The following ESPL1 variants were observed in gnomAD, a reference collection of about 807,000 sequenced individuals.
The protein encoded by ESPL1 is extra spindle pole bodies like 1, separase.
A neutral mutation model predicts 217.2 loss-of-function variants in ESPL1; 50 were observed. That is an observed-to-expected ratio of 0.23 (90% CI 0.18 to 0.29). The LOEUF (loss-of-function observed/expected upper bound fraction) is 0.29, where lower values mean the gene tolerates loss of function less well. Ranked by LOEUF, ESPL1 falls within the 10% of genes least tolerant of loss-of-function variation. The pLI is 1.00. For synonymous variants in ESPL1, 994 were observed against 1,081.3 expected, an observed-to-expected ratio of 0.92 and a Z score of 1.58; for missense variants, 1,834 against 2,603.0, an observed-to-expected ratio of 0.70 and a Z score of 6.43.
chr12:53,291,837 C>T lies in ESPL1; in HGVS notation c.5668C>T (p.His1890Tyr), dbSNP rs1944065643. 1 of 1,590,154 alleles carries T rather than the reference C, an allele frequency of 6.3e-7. No individual in the cohort carries two copies. The highest frequency in any genetic ancestry group is 8.6e-7 in the Non-Finnish European group (1 of 1,167,364). Residue 1890 changes from histidine to tyrosine, a missense_variant, in exon 26 of 31, where the codon CAC (histidine) becomes TAC (tyrosine). Coordinates refer to ENST00000257934, the MANE Select transcript of ESPL1 (RefSeq NM_012291.5). ...LQGLTVPSNS[H>Y]LVLVLDKDLQ... ...GGGCCTGACAGTACCAAGCAATAGCCACCTTGTCTTGGTCCTAGACAAGGT... is the reference window on the plus strand; with the variant it reads ...GGGCCTGACAGTACCAAGCAATAGCTACCTTGTCTTGGTCCTAGACAAGGT...
chr12:53,293,268 C>T lies in ESPL1; in HGVS notation c.6162-5C>T. 1 of 1,611,976 alleles carries T rather than the reference C, an allele frequency of 6.2e-7. No homozygotes were observed. Among genetic ancestry groups the T allele is most frequent in the Non-Finnish European group, 8.5e-7 (1 of 1,178,362 alleles). On this transcript the variant is annotated splice_polypyrimidine_tract_variant and splice_region_variant and intron_variant, in intron 30 of 30. Coordinates refer to ENST00000257934, the MANE Select transcript of ESPL1 (RefSeq NM_012291.5). The surrounding 1 kb of genome is among the most constrained non-coding windows in gnomAD (Gnocchi z 4.2). ...ACTTTGTATTTCCTCCTTTTCTTTT[C>T]CCAGCCCCTTGTTTCTGGGTAATCT...
In ESPL1 at chr12:53,277,822, T is replaced by C. The variant is rs1943797665; in HGVS notation, c.2226T>C (p.Ala742=). ...NIAFNLAADA[A]QSKCLDQALA... ...AGTCATTTTCTTCTGGCTTAACAGC[T>C]CAGTCCAAATGCCTGGACCAAGCCC... Residue 742 remains alanine (A), a splice_region_variant and synonymous_variant, in exon 11 of 31, where the codon GCT becomes GCC. Transcript: ENST00000257934. The C allele has an allele frequency of 6.2e-7, 1 of 1,613,774 alleles. No homozygotes were observed. The highest frequency in any genetic ancestry group is 2.2e-5 in the East Asian group (1 of 44,882).
intron 7 of ESPL1, among the ~76,000 whole-genome samples, chr12:53,276,213 A>C (rs991117339): frequency 5.9e-5 from 9 of 152,210 alleles, no homozygotes; most frequent in Non-Finnish European, 1.3e-4. Flanking sequence ...CTAAAAAAAA[A>C]CAAACAAAAA....
In ESPL1 at chr12:53,270,751, T is replaced by G; in HGVS notation, c.1322T>G (p.Leu441Ter). The change falls in exon 5 of 31, where the codon TTA (leucine) becomes TGA (stop). Residue 441 changes from leucine to a stop codon, truncating the protein, a stop_gained. Transcript: ENST00000257934. LOFTEE classifies it high-confidence loss of function. ...KSTVVWMLEALEGLSGQELTD... is the reference protein window; with the variant it reads ...KSTVVWMLEA The stretch of plus-strand genomic sequence containing the variant: ...ACCGTTGTCTGGATGCTGGAGGCCT[T>G]AGAGGGCCTGTCGGGCCAAGAGCTG... 1 of 1,614,124 alleles carries G rather than the reference T, an allele frequency of 6.2e-7. No homozygotes were observed.
chr12:53,275,320 G>T (rs1442445482), intron 7 of ESPL1, among the ~76,000 whole-genome samples: 1 of 152,092 alleles, frequency 6.6e-6, no homozygotes, highest in Middle Eastern at 3.2e-3. Flanking sequence ...AATTAGCTGG[G>T]CGTGGTGGCG....
chr12:53,273,643 C>T (rs1333085227), intron 6 of ESPL1, among the ~76,000 whole-genome samples: 1 of 150,768 alleles, frequency 6.6e-6, no homozygotes, highest in Non-Finnish European at 1.5e-5. Context: ...CCTGTAATCC[C>T]AGCTACTTTG....
At position 53,286,097 on chromosome 12, in the gene ESPL1, C is replaced by T. The variant is rs1421935398; in HGVS notation, c.3361C>T (p.Pro1121Ser). ...TVAKEPGPIA[P>S]STNSSPVLKT... ...GGCCAAGGAGCCTGGCCCCATAGCA[C>T]CTTCTACAAACTCCTCCCCAGTCTT... is the stretch of plus-strand genomic sequence containing the variant. The change falls in exon 18 of 31, where the codon CCT becomes TCT. Residue 1121 changes from proline (P) to serine (S), a missense_variant. By Grantham distance (74) the Pro-to-Ser change is moderately conservative. Transcript: ENST00000257934. The surrounding 1 kb of genome is among the most constrained non-coding windows in gnomAD (Gnocchi z 5.3). The T allele has an allele frequency of 6.2e-7, 1 of 1,613,194 alleles. No homozygotes were observed. The highest frequency in any genetic ancestry group is 8.5e-7 in the Non-Finnish European group (1 of 1,179,226).
chr12:53,293,463 T>G lies in ESPL1; in HGVS notation c.6352T>G (p.Ser2118Ala). The G allele has an allele frequency of 1.2e-6, 2 of 1,613,774 alleles. No homozygotes were observed. Among genetic ancestry groups the G allele is most frequent in the Non-Finnish European group, 1.7e-6 (2 of 1,179,694 alleles). Reference sequence around the variant, plus strand: ...ACCTATAGCCTATGGCTTGCCTGTCTCTCTGCGGTAACCCCATGGAGCTGT... The same window carrying G: ...ACCTATAGCCTATGGCTTGCCTGTCGCTCTGCGGTAACCCCATGGAGCTGT... ...AAPIAYGLPV[S>A]LR is the part of the protein sequence containing the mutation. The change falls in exon 31 of 31, where the codon TCT becomes GCT. Residue 2118 changes from serine (S) to alanine (A), a missense_variant. Ser to Ala is a moderately conservative substitution (Grantham distance 99, BLOSUM62 1). This residue lies in a region of ESPL1 where 295 missense variants were observed against 519.8 expected (regional missense o/e 0.57). Transcript: ENST00000257934. This position sits in a 1 kb window ranked among gnomAD's most constrained non-coding sequence, Gnocchi z 4.2.
At chr12:53,283,091 G>C in intron 14 of ESPL1, 38 bp from the exon 15 acceptor site, 10 of 1,613,106 alleles carry the variant, frequency 6.2e-6, no homozygotes, top group Non-Finnish European at 8.5e-6. Flanking sequence ...GTGAAGTTCT[G>C]GCTGCATCTT....
Position 53,270,411 on chromosome 12 carries a change from T to G in ESPL1, c.1177T>G (p.Phe393Val). ...YGGSSKQQQS[F>V]LQMYFQGLHL... ...GGGCTCCTCCAAGCAACAGCAGTCT[T>G]TTCTTCAGATGTACTTTCAGGGACT... Residue 393 changes from phenylalanine to valine, a missense_variant, in exon 4 of 31, where the codon TTT (phenylalanine) becomes GTT (valine). By Grantham distance (50) the Phe-to-Val change is conservative. Around this residue, in one of 5 missense-constraint regions of ESPL1, gnomAD observed 746 missense variants for 1,077.0 expected, o/e 0.69. Coordinates refer to ENST00000257934, the MANE Select transcript of ESPL1 (RefSeq NM_012291.5). 3 of 1,613,942 alleles carry G rather than the reference T, an allele frequency of 1.9e-6. No homozygotes were observed. The highest frequency in any genetic ancestry group is 2.5e-6 in the Non-Finnish European group (3 of 1,179,894).
chr12:53,268,933 G>T (rs781145616), intron 2 of ESPL1, 86 bp downstream of exon 2: 97 of 1,484,082 alleles, frequency 6.5e-5, no homozygotes, highest in Middle Eastern at 1.7e-4. Context: ...GGATAAGTAG[G>T]CGACCCTCTC....
In ESPL1 at chr12:53,279,879, C is replaced by T; in HGVS notation, c.2499+13C>T. 1 of 1,566,170 alleles carries T rather than the reference C, an allele frequency of 6.4e-7. No homozygotes were observed. Among genetic ancestry groups the T allele is most frequent in the Non-Finnish European group, 8.7e-7 (1 of 1,154,738 alleles). ...CAGCTATGCCCAGGTGAGTGCCCAA[C>T]CAGCCTAGTCTGGGGACTGCAGGGG... On this transcript the variant is annotated intron_variant, in intron 12 of 30. Coordinates refer to ENST00000257934, the MANE Select transcript of ESPL1 (RefSeq NM_012291.5).
rs141171220 is a variant in ESPL1, at chr12:53,269,058, G to A, written c.116G>A (p.Ser39Asn). 310 of 1,613,166 alleles carry A rather than the reference G, an allele frequency of 1.9e-4. 1 individual carries two copies. In the African/African-American group the frequency reaches 3.7e-3, roughly 19 times the overall value. ...FLSNPPAGFP[S>N]SRSDAERRQA... is the part of the protein sequence containing the mutation. Reference sequence around the variant, plus strand: ...TCCAACCCTCCAGCTGGTTTTCCCAGCAGCCGATCTGATGCTGAGAGGAGA... The same window carrying A: ...TCCAACCCTCCAGCTGGTTTTCCCAACAGCCGATCTGATGCTGAGAGGAGA... Residue 39 changes from serine (S) to asparagine (N), a missense_variant, in exon 3 of 31, where the codon AGC becomes AAC. Physicochemically the swap from Ser to Asn is conservative, Grantham distance 46 (BLOSUM62 1). This residue lies in a region of ESPL1 where 746 missense variants were observed against 1,077.0 expected (regional missense o/e 0.69). Coordinates refer to ENST00000257934, the MANE Select transcript of ESPL1 (RefSeq NM_012291.5). The surrounding 1 kb of genome is among the most constrained non-coding windows in gnomAD (Gnocchi z 6.7).
Position 53,282,211 on chromosome 12 carries a change from C to A in ESPL1, c.2620-53C>A. ...CACGTAATCTCCAGGGCCTCTCAAG[C>A]TCTGGAGTGCCTGACTGCCTTACTG... is the stretch of plus-strand genomic sequence containing the variant. On this transcript the variant is annotated intron_variant, in intron 13 of 30. Coordinates refer to ENST00000257934, the MANE Select transcript of ESPL1 (RefSeq NM_012291.5). The surrounding 1 kb of genome is among the most constrained non-coding windows in gnomAD (Gnocchi z 4.0). 1 of 1,533,510 alleles carries A rather than the reference C, an allele frequency of 6.5e-7. No homozygotes were observed. The highest frequency in any genetic ancestry group is 9.0e-7 in the Non-Finnish European group (1 of 1,108,978). 95.0% of individuals were successfully genotyped at this position (1,533,510 alleles called of 1,614,324 possible). A position where few individuals can be genotyped will look rare whatever the true frequency, so the allele number is the denominator to read the frequency against.
rs200205359 is a variant in ESPL1 at position 53,277,263 on chromosome 12, G to T, written c.2085+36G>T. Reference sequence around the variant, plus strand: ...CTGCTGTGGGGCTCACCAGAACTGGGTGTAGGAATTACTGTCCCTGGGCCC... The same window carrying T: ...CTGCTGTGGGGCTCACCAGAACTGGTTGTAGGAATTACTGTCCCTGGGCCC... On this transcript the variant is annotated intron_variant, in intron 9 of 30. Transcript: ENST00000257934. 1.3e-5 allele frequency: 21 copies of T among 1,588,782 alleles called. No homozygotes were observed. The South Asian group carries it at 1.9e-4, about 14-fold the overall frequency.
chr12:53,283,236 G>A lies in ESPL1; in HGVS notation c.2899G>A (p.Glu967Lys), dbSNP rs766566736. 6.2e-7 allele frequency: 1 copy of A among 1,614,220 alleles called. No homozygotes were observed. Among genetic ancestry groups the A allele is most frequent in the Non-Finnish European group, 8.5e-7 (1 of 1,180,054 alleles). The change falls in exon 15 of 31, where the codon GAG becomes AAG. Residue 967 changes from glutamate (E) to lysine (K), a missense_variant. This residue lies in a region of ESPL1 where 107 missense variants were observed against 171.7 expected (regional missense o/e 0.62). Transcript: ENST00000257934. ...DILSTQKAAV[E>K]TSFLDYGENL... ...TCTCTCAACTCAGAAAGCAGCTGTGGAGACATCGTTTTTGGACTATGGTGA... is the reference window on the plus strand; with the variant it reads ...TCTCTCAACTCAGAAAGCAGCTGTGAAGACATCGTTTTTGGACTATGGTGA...
chr12:53,275,085 T>C, intron 7 of ESPL1, 75 bp downstream of exon 7: 1 of 1,228,008 alleles, frequency 8.1e-7, no homozygotes, highest in Non-Finnish European at 1.1e-6. Flanking sequence ...GGTGGATCAC[T>C]TGAGGTCAGG....
intron 20 of ESPL1, 80 bp downstream of exon 20, chr12:53,288,779 TG>T (rs1944002770): frequency 7.3e-7 from 1 of 1,378,472 alleles, no homozygotes; most frequent in Non-Finnish European, 1.0e-6. Context: ...CTTTCCAGGC[TG>T]GGTTCGGATC....
In ESPL1 at chr12:53,286,006, T is replaced by A; in HGVS notation, c.3270T>A (p.Cys1090Ter). Residue 1090 changes from cysteine (C) to a stop codon, truncating the protein, a stop_gained, in exon 18 of 31, where the codon TGT (cysteine) becomes TGA (stop). Transcript: ENST00000257934. LOFTEE classifies it high-confidence loss of function. This position sits in a 1 kb window ranked among gnomAD's most constrained non-coding sequence, Gnocchi z 5.3. ...QKGKQQAQVP[C>*]PPQLPEEELF... The stretch of plus-strand genomic sequence containing the variant: ...GGAAGCAGCAGGCCCAGGTCCCCTG[T>A]CCTCCACAGCTCCCAGAGGAGGAGC... 1 of 1,602,378 alleles carries A rather than the reference T, an allele frequency of 6.2e-7. No homozygotes were observed. Among genetic ancestry groups the A allele is most frequent in the Non-Finnish European group, 8.5e-7 (1 of 1,170,368 alleles).
Sources: gnomAD v4.1 joint callset for allele counts (sites outside exome capture counted in the v4.1 genomes callset) on GRCh38, gnomAD v4.1.1 for gene constraint, gnomAD v4.1.1 regional missense constraint, Gnocchi (gnomAD v3.1) non-coding constraint, MANE v1.5 for transcripts, NCBI Gene and HGNC (gene_info 2026-07-23, HGNC 2026-07-21) for gene names.